The following LRRFIP1 variants were observed in gnomAD, a reference collection of about 807,000 sequenced individuals.
The protein encoded by LRRFIP1 is LRR binding FLII interacting protein 1, also known as leucine-rich repeat flightless-interacting protein 1.
In LRRFIP1, 62 loss-of-function variants were observed where a neutral mutation model predicts 104.4. The ratio of observed to expected loss-of-function variants is 0.59; its 90% confidence interval spans 0.48 to 0.73. The LOEUF (loss-of-function observed/expected upper bound fraction) is 0.73, where lower values mean the gene tolerates loss of function less well. LRRFIP1 is among the 30% of genes least tolerant of loss of function. The pLI is 0.00. For missense variants in LRRFIP1, 796 were observed against 824.5 expected, an observed-to-expected ratio of 0.97 and a Z score of 0.42; for synonymous variants, 300 against 299.0, an observed-to-expected ratio of 1.00 and a Z score of -0.03.
At chr2:237,745,920 T>C (rs1576169794) in intron 11 of LRRFIP1, among the ~76,000 whole-genome samples, 2 of 142,862 alleles carry the variant, frequency 1.4e-5, no homozygotes. Flanking sequence ...TATTAATATT[T>C]GTTCAGCAAA....
At chr2:237,705,718 C>T (rs2093770333) in intron 1 of LRRFIP1, among the ~76,000 whole-genome samples, 1 of 151,844 alleles carries the variant, frequency 6.6e-6, no homozygotes, top group Non-Finnish European at 1.5e-5. Flanking sequence ...GCTCAGGTCT[C>T]ACAAGGCTGC....
chr2:237,685,116 C>T (rs1185919836), intron 1 of LRRFIP1, among the ~76,000 whole-genome samples: 853 of 36,396 alleles, frequency 0.023, 12 homozygotes, highest in African/African-American at 0.054. Context: ...CCTCCCCCCC[C>T]CACACAAAAA....
Position 237,772,115 on chromosome 2 carries a change from A to C in LRRFIP1, c.1544A>C (p.Gln515Pro). ...CTCAAAGGGCAGCTGGAGGAGAGAC[A>C]GAAGATTGGCAAACTAGACAATCTT... ...KKLKGQLEER[Q>P]KIGKLDNLRS... is the part of the protein sequence containing the mutation. The change falls in exon 21 of 24, where the codon CAG becomes CCG. Residue 515 changes from glutamine (Q) to proline (P), a missense_variant. Physicochemically the swap from Gln to Pro is moderately conservative, Grantham distance 76 (BLOSUM62 -1). Coordinates refer to ENST00000308482, the MANE Select transcript of LRRFIP1 (RefSeq NM_001137550.2). The C allele has an allele frequency of 6.2e-7, 1 of 1,613,948 alleles. No homozygotes were observed. Among genetic ancestry groups the C allele is most frequent in the Non-Finnish European group, 8.5e-7 (1 of 1,179,826 alleles).
rs1194970994 is a variant in LRRFIP1, at chr2:237,711,573, C to G, written c.184-2686C>G. Among the ~76,000 whole-genome samples, 1 of 152,238 alleles carries G rather than the reference C, an allele frequency of 6.6e-6. No homozygotes were observed. Among genetic ancestry groups the G allele is most frequent in the Non-Finnish European group, 1.5e-5 (1 of 68,052 alleles). On this transcript the variant is annotated intron_variant, in intron 2 of 23. Coordinates refer to ENST00000308482, the MANE Select transcript of LRRFIP1 (RefSeq NM_001137550.2). The surrounding 1 kb of genome is among the most constrained non-coding windows in gnomAD (Gnocchi z 4.4). ...CATCACCGATGCCTGCACTTCTTCC[C>G]TCACGACCGTGGCTTGCGGCTGTGA...
At chr2:237,715,365 C>T (rs1436646226) in intron 3 of LRRFIP1, among the ~76,000 whole-genome samples, 1 of 152,166 alleles carries the variant, frequency 6.6e-6, no homozygotes, top group Non-Finnish European at 1.5e-5. Flanking sequence ...GGTGCAAGGC[C>T]AGGCGGGGAG....
At chr2:237,719,596 G>A (rs764965415) in intron 5 of LRRFIP1, 29 bp downstream of exon 5, 1 of 1,577,988 alleles carries the variant, frequency 6.3e-7, no homozygotes, top group South Asian at 1.1e-5. Context: ...CATTACTTGG[G>A]CAATTTGATT....
At chr2:237,746,556 T>C (rs1475163885) in intron 11 of LRRFIP1, among the ~76,000 whole-genome samples, 1 of 152,104 alleles carries the variant, frequency 6.6e-6, no homozygotes, top group Non-Finnish European at 1.5e-5. Flanking sequence ...TTGGTACTCA[T>C]CTTATCGGAG....
intron 12 of LRRFIP1, among the ~76,000 whole-genome samples, 197 bp from the exon 13 acceptor site, chr2:237,749,002 A>C (rs79902413): frequency 0.032 from 4,831 of 152,288 alleles, 93 homozygotes; most frequent in Middle Eastern, 0.12. Context: ...ACTGTCAAAC[A>C]CAAAGCCATC....
intron 1 of LRRFIP1, among the ~76,000 whole-genome samples, chr2:237,678,480 G>A (rs548318788): frequency 3.1e-4 from 47 of 152,132 alleles, no homozygotes; most frequent in South Asian, 1.7e-3. Flanking sequence ...GGGTACATCA[G>A]ATTTAGATTA....
At chr2:237,639,934 G>A (rs1174300460) in intron 1 of LRRFIP1, among the ~76,000 whole-genome samples, 4 of 152,118 alleles carry the variant, frequency 2.6e-5, no homozygotes, top group Non-Finnish European at 5.9e-5. Context: ...TCCAGACATT[G>A]TCAAATGGCC....
intron 19 of LRRFIP1, chr2:237,763,512 C>T (rs2060070481): frequency 1.2e-6 from 2 of 1,613,606 alleles, no homozygotes; most frequent in Non-Finnish European, 1.7e-6. Context: ...TATCAGAACA[C>T]AGATTTAAGT....
chr2:237,709,319 A>AC (rs902539675), intron 2 of LRRFIP1, among the ~76,000 whole-genome samples: 3 of 152,030 alleles, frequency 2.0e-5, no homozygotes, highest in African/African-American at 7.2e-5. Flanking sequence ...AGAAGCTGAG[A>AC]CCCCCACTCA....
intron 1 of LRRFIP1, among the ~76,000 whole-genome samples, chr2:237,695,254 C>A (rs1194636297): frequency 6.6e-6 from 1 of 152,122 alleles, no homozygotes; most frequent in East Asian, 1.9e-4. Context: ...TTCTGTTCAG[C>A]CTGAGTTAAT....
chr2:237,776,390 G>C (rs6735617), intron 23 of LRRFIP1, among the ~76,000 whole-genome samples: 8,771 of 152,272 alleles, frequency 0.058, 253 homozygotes, highest in Middle Eastern at 0.13. Context: ...CTCCAATGTG[G>C]TTAAGAAGAA....
chr2:237,735,210 T>C lies in LRRFIP1; in HGVS notation c.490-58T>C. 1 of 1,466,136 alleles carries C rather than the reference T, an allele frequency of 6.8e-7. No individual in the cohort carries two copies. The highest frequency in any genetic ancestry group is 9.4e-7 in the Non-Finnish European group (1 of 1,061,020). 90.8% of individuals were successfully genotyped at this position (1,466,136 alleles called of 1,614,324 possible). A position where few individuals can be genotyped will look rare whatever the true frequency, so the allele number is the denominator to read the frequency against. On this transcript the variant is annotated intron_variant, in intron 9 of 23. Coordinates refer to ENST00000308482, the MANE Select transcript of LRRFIP1 (RefSeq NM_001137550.2). This position sits in a 1 kb window ranked among gnomAD's most constrained non-coding sequence, Gnocchi z 4.6. Reference sequence around the variant, plus strand: ...TTCACAGCTCACGTTTTCAGCACTTTCTGGGCACTCTTGGAGAAAGGAAGA... The same window carrying C: ...TTCACAGCTCACGTTTTCAGCACTTCCTGGGCACTCTTGGAGAAAGGAAGA...
intron 11 of LRRFIP1, among the ~76,000 whole-genome samples, chr2:237,745,207 G>C (rs920973236): frequency 6.6e-6 from 1 of 152,218 alleles, no homozygotes; most frequent in Admixed American, 6.5e-5. Context: ...TGGTGGACAC[G>C]AGTGGGGCTG....
intron 8 of LRRFIP1, among the ~76,000 whole-genome samples, chr2:237,732,098 G>A (rs376962840): frequency 6.6e-6 from 1 of 151,794 alleles, no homozygotes; most frequent in African/African-American, 2.4e-5. Flanking sequence ...TTTTCTGTGC[G>A]TGAACTCAAA....
intron 1 of LRRFIP1, among the ~76,000 whole-genome samples, chr2:237,635,300 T>C (rs1351956170): frequency 6.6e-6 from 1 of 152,238 alleles, no homozygotes; most frequent in African/African-American, 2.4e-5. Context: ...GTAAGTATTG[T>C]TAATTGGAAA....
chr2:237,667,605 G>A (rs1249691736), intron 1 of LRRFIP1, among the ~76,000 whole-genome samples: 19 of 152,282 alleles, frequency 1.2e-4, no homozygotes, highest in Non-Finnish European at 8.8e-5. Context: ...CGGTATTTCT[G>A]GTTCTAGATC....
Sources: gnomAD v4.1 joint callset for allele counts (sites outside exome capture counted in the v4.1 genomes callset) on GRCh38, gnomAD v4.1.1 for gene constraint, Gnocchi (gnomAD v3.1) non-coding constraint, MANE v1.5 for transcripts, NCBI Gene and HGNC (gene_info 2026-07-23, HGNC 2026-07-21) for gene names.